Variants in SOX6 observed in about 807,000 individuals in gnomAD.
SOX6 encodes transcription factor SOX-6.
SOX6 carries 11 observed loss-of-function variants against 97.8 expected under a neutral mutation model. The observed-to-expected ratio is 0.11, with a 90% CI of 0.07 to 0.19. The LOEUF is 0.19. Ranked by LOEUF, SOX6 falls within the 10% of genes least tolerant of loss-of-function variation. SOX6 has a pLI of 1.00. For missense variants in SOX6, 810 were observed against 1,039.5 expected, an observed-to-expected ratio of 0.78 and a Z score of 3.04; for synonymous variants, 360 against 371.4, an observed-to-expected ratio of 0.97 and a Z score of 0.35.
intron 4 of SOX6, among the ~76,000 whole-genome samples, chr11:16,562,719 C>T: frequency 6.6e-6 from 1 of 152,228 alleles, no homozygotes; most frequent in East Asian, 1.9e-4. Context: ...GTGACCCTCC[C>T]ACTTCTCCCG....
At chr11:16,189,405 ATGTGTGTGTGCATGTGTG>A (rs1418825276) in intron 4 of SOX6, among the ~76,000 whole-genome samples, 13 of 150,826 alleles carry the variant, frequency 8.6e-5, no homozygotes, top group African/African-American at 2.0e-4. Context: ...GGCAAAGGTC[ATGTGTGTGTGCATGTGTG>A]TGTGTGTGTG....
At chr11:16,483,090 G>A (rs1451158500) in intron 4 of SOX6, among the ~76,000 whole-genome samples, 1 of 152,172 alleles carries the variant, frequency 6.6e-6, no homozygotes, top group East Asian at 1.9e-4. Flanking sequence ...CCCTGTGAAA[G>A]GGTCTCAGGG....
chr11:16,204,118 A>T (rs1852009684), intron 4 of SOX6, among the ~76,000 whole-genome samples: 1 of 147,676 alleles, frequency 6.8e-6, no homozygotes, highest in African/African-American at 2.5e-5. Flanking sequence ...ATTGTCAATT[A>T]AAAAAAAAAC....
At chr11:16,246,525 G>T (rs924466129) in intron 3 of SOX6, among the ~76,000 whole-genome samples, 3 of 151,594 alleles carry the variant, frequency 2.0e-5, no homozygotes, top group African/African-American at 4.8e-5. Context: ...TAAAATTGTA[G>T]GTTGCAATTT....
intron 3 of SOX6, among the ~76,000 whole-genome samples, chr11:16,299,069 A>G (rs547726186): frequency 7.2e-5 from 11 of 152,296 alleles, no homozygotes; most frequent in Middle Eastern, 6.8e-3. Context: ...TTTCAAAGTT[A>G]ATTAACACTA....
chr11:16,737,347 G>C (rs1271824860), intron 1 of SOX6, among the ~76,000 whole-genome samples: 1 of 151,910 alleles, frequency 6.6e-6, no homozygotes, highest in African/African-American at 2.4e-5. Flanking sequence ...GCTGGGATTA[G>C]AGGCATGTGC....
intron 6 of SOX6, among the ~76,000 whole-genome samples, chr11:16,133,934 C>G: frequency 6.6e-6 from 1 of 152,172 alleles, no homozygotes; most frequent in East Asian, 1.9e-4. Flanking sequence ...ATCTGCCTGC[C>G]TTGGACTCCC....
At chr11:16,087,757 A>G (rs1278603306) in intron 9 of SOX6, among the ~76,000 whole-genome samples, 1 of 152,152 alleles carries the variant, frequency 6.6e-6, no homozygotes, top group Non-Finnish European at 1.5e-5. Context: ...TCTTTATTAT[A>G]TATTCCTTTC....
intron 6 of SOX6, among the ~76,000 whole-genome samples, chr11:16,149,070 CAA>C (rs1850390710): frequency 6.6e-6 from 1 of 152,144 alleles, no homozygotes; most frequent in Non-Finnish European, 1.5e-5. Context: ...TGCCCCTTCT[CAA>C]AGTTAACTAC....
intron 4 of SOX6, among the ~76,000 whole-genome samples, chr11:16,541,311 A>G (rs1861404570): frequency 1.3e-5 from 2 of 152,190 alleles, no homozygotes; most frequent in African/African-American, 4.8e-5. Context: ...CACCTTATAC[A>G]AAAATTAACT....
At chr11:16,466,855 C>T (rs1368410491) in intron 1 of SOX6, among the ~76,000 whole-genome samples, 3 of 135,370 alleles carry the variant, frequency 2.2e-5, no homozygotes, top group Non-Finnish European at 4.7e-5. Context: ...GGCGTGAACC[C>T]GGGAGGCGGA....
intron 4 of SOX6, among the ~76,000 whole-genome samples, chr11:16,566,927 T>C (rs1847878493): frequency 6.6e-6 from 1 of 152,208 alleles, no homozygotes; most frequent in Non-Finnish European, 1.5e-5. Context: ...ACAACCTAAA[T>C]GTCCATCAAT....
chr11:16,227,317 T>A (rs1413096268), intron 4 of SOX6, among the ~76,000 whole-genome samples: 2 of 152,216 alleles, frequency 1.3e-5, no homozygotes, highest in Non-Finnish European at 2.9e-5. Flanking sequence ...AGCATGGGGA[T>A]ACCCTGTACA....
intron 3 of SOX6, among the ~76,000 whole-genome samples, chr11:16,643,928 G>C (rs916562293): frequency 2.0e-5 from 3 of 152,222 alleles, no homozygotes; most frequent in Admixed American, 6.5e-5. Context: ...TGCACCCACT[G>C]TCTGACACTC....
intron 6 of SOX6, among the ~76,000 whole-genome samples, chr11:16,178,867 T>G (rs1851268806): frequency 6.6e-6 from 1 of 151,930 alleles, no homozygotes; most frequent in South Asian, 2.1e-4. Context: ...GAAGTCAGCT[T>G]CTGACTGTCC....
chr11:16,206,560 A>G (rs1256688788), intron 4 of SOX6, among the ~76,000 whole-genome samples: 1 of 152,172 alleles, frequency 6.6e-6, no homozygotes, highest in Non-Finnish European at 1.5e-5. Context: ...GTCTCGTTTT[A>G]TCTTGTGTAA....
chr11:16,674,189 CAAAAAAA>C (rs61516612), intron 3 of SOX6, among the ~76,000 whole-genome samples: 6 of 76,326 alleles, frequency 7.9e-5, no homozygotes, highest in African/African-American at 2.8e-4. Flanking sequence ...GACTCCATCT[CAAAAAAA>C]AAAAAAAAAA....
At chr11:16,074,405 C>T (rs554577024) in intron 9 of SOX6, among the ~76,000 whole-genome samples, 32 of 152,136 alleles carry the variant, frequency 2.1e-4, no homozygotes, top group African/African-American at 7.2e-4. Context: ...GAAATCAAAT[C>T]CCTGAATACA....
At chr11:16,553,699 C>T (rs1847716854) in intron 4 of SOX6, among the ~76,000 whole-genome samples, 1 of 151,992 alleles carries the variant, frequency 6.6e-6, no homozygotes, top group Non-Finnish European at 1.5e-5. Flanking sequence ...CTAGGACCAT[C>T]TAACATAGAT....
Sources: gnomAD v4.1 joint callset for allele counts (sites outside exome capture counted in the v4.1 genomes callset) on GRCh38, gnomAD v4.1.1 for gene constraint, MANE v1.5 for transcripts, NCBI Gene and HGNC (gene_info 2026-07-23, HGNC 2026-07-21) for gene names.